MTMR14: variants seen among roughly 807,000 people sequenced by gnomAD.
MTMR14 encodes the protein phosphatidylinositol-3,5-bisphosphate 3-phosphatase MTMR14.
In MTMR14, 48 loss-of-function variants were observed where a neutral mutation model predicts 86.3. That is an observed-to-expected ratio of 0.56 (90% CI 0.44 to 0.71). The LOEUF (loss-of-function observed/expected upper bound fraction) is 0.71. Ranked by LOEUF, MTMR14 falls within the 30% of genes least tolerant of loss-of-function variation. The pLI, the probability that MTMR14 is intolerant of heterozygous loss-of-function variation, is 0.00. For missense variants in MTMR14, 780 were observed against 834.6 expected (o/e 0.93, Z 0.81); for synonymous variants, 366 against 326.1 (o/e 1.12, Z -1.32).
chr3:9,665,949 G>T (rs1217905669), intron 3 of MTMR14, among the ~76,000 whole-genome samples: 4 of 151,704 alleles, frequency 2.6e-5, no homozygotes, highest in Admixed American at 1.3e-4. Context: ...GGATGGTCTC[G>T]ATCTCCTGAC....
At chr3:9,698,007 C>T in intron 18 of MTMR14, 141 bp downstream of exon 18, 1 of 1,231,546 alleles carries the variant, frequency 8.1e-7, no homozygotes, top group Admixed American at 1.7e-5. Context: ...AGCTGCTGGA[C>T]CCGAGGTATG....
At chr3:9,698,914 G>A (rs12495642) in intron 18 of MTMR14, among the ~76,000 whole-genome samples, 28,529 of 151,870 alleles carry the variant, frequency 0.19, 3,430 homozygotes, top group African/African-American at 0.32. Context: ...CACGCCTGTA[G>A]TCCCAGCACT....
Position 9,701,726 on chromosome 3 carries a change from GGAT to G in MTMR14, c.1770-61_1770-59del. On this transcript the variant is annotated intron_variant, in intron 18 of 18. Transcript: ENST00000296003. The surrounding 1 kb of genome is among the most constrained non-coding windows in gnomAD (Gnocchi z 4.2). ...AGGACAGGTGGTATGGAGGGAGGGA[GGAT>G]GAGGATACTGGGTCCTGTCCCAGGG... The G allele has an allele frequency of 2.4e-5, 38 of 1,560,688 alleles. No individual in the cohort carries two copies. The highest frequency in any genetic ancestry group is 3.2e-5 in the Non-Finnish European group (36 of 1,138,420).
chr3:9,654,759 A>G (rs529227429), intron 2 of MTMR14, among the ~76,000 whole-genome samples: 2 of 152,240 alleles, frequency 1.3e-5, no homozygotes, highest in Non-Finnish European at 2.9e-5. Flanking sequence ...AGTGCATTCA[A>G]TAACTTGTTA....
chr3:9,695,867 T>G (rs1332718285), intron 17 of MTMR14, among the ~76,000 whole-genome samples: 1 of 152,214 alleles, frequency 6.6e-6, no homozygotes, highest in African/African-American at 2.4e-5. Context: ...GCTGAAGGCC[T>G]GGTGTGACCT....
chr3:9,685,105 C>T, intron 12 of MTMR14, 106 bp from the exon 13 acceptor site: 1 of 1,533,068 alleles, frequency 6.5e-7, no homozygotes, highest in Non-Finnish European at 9.0e-7. Flanking sequence ...TCAGGCCCCA[C>T]CTGCCACGCT....
At chr3:9,660,689 A>G (rs1293468357) in intron 2 of MTMR14, among the ~76,000 whole-genome samples, 1 of 152,176 alleles carries the variant, frequency 6.6e-6, no homozygotes, top group Non-Finnish European at 1.5e-5. Flanking sequence ...TCCTTCTGGG[A>G]TAATATTTGG....
intron 9 of MTMR14, among the ~76,000 whole-genome samples, chr3:9,681,406 A>G (rs2075764070): frequency 6.6e-6 from 1 of 152,168 alleles, no homozygotes; most frequent in Non-Finnish European, 1.5e-5. Flanking sequence ...AGCCTTAGAG[A>G]TGCCAAAACA....
intron 2 of MTMR14, among the ~76,000 whole-genome samples, chr3:9,661,951 G>A (rs369230626): frequency 2.0e-5 from 3 of 152,008 alleles, no homozygotes; most frequent in South Asian, 2.1e-4. Flanking sequence ...CCCAGGTGTG[G>A]TGGCTCACAC....
intron 9 of MTMR14, among the ~76,000 whole-genome samples, chr3:9,682,050 C>T (rs1414327419): frequency 1.3e-5 from 2 of 152,348 alleles, no homozygotes; most frequent in East Asian, 1.9e-4. Context: ...GCTCACTGGG[C>T]TTGGTACAGT....
At chr3:9,676,748 A>G (rs1339377806) in intron 7 of MTMR14, among the ~76,000 whole-genome samples, 1 of 152,196 alleles carries the variant, frequency 6.6e-6, no homozygotes, top group African/African-American at 2.4e-5. Context: ...TTTTTCCACC[A>G]AAGAATATAG....
At chr3:9,695,777 A>G (rs143585815) in intron 17 of MTMR14, among the ~76,000 whole-genome samples, 2 of 152,318 alleles carry the variant, frequency 1.3e-5, no homozygotes, top group African/African-American at 4.8e-5. Flanking sequence ...ACAAGCTGCT[A>G]GAACTGGAAA....
At chr3:9,679,407 A>G (rs562224977) in intron 9 of MTMR14, among the ~76,000 whole-genome samples, 2 of 152,322 alleles carry the variant, frequency 1.3e-5, no homozygotes, top group South Asian at 4.1e-4. Flanking sequence ...GAGGTCAAGT[A>G]GACTCTGCCC....
At chr3:9,695,143 TAGAC>T (rs1390572492) in intron 17 of MTMR14, among the ~76,000 whole-genome samples, 2 of 152,316 alleles carry the variant, frequency 1.3e-5, no homozygotes, top group Non-Finnish European at 2.9e-5. Context: ...CCTGTGTTCT[TAGAC>T]TGACTGGAAG....
In MTMR14 at chr3:9,689,967, G is replaced by A; in HGVS notation, c.1437G>A (p.Arg479=). 1 of 1,609,650 alleles carries A rather than the reference G, an allele frequency of 6.2e-7. No homozygotes were observed. Among genetic ancestry groups the A allele is most frequent in the South Asian group, 1.1e-5 (1 of 90,386 alleles). The change falls in exon 17 of 19, where the codon AGG becomes AGA. Residue 479 remains arginine, a synonymous_variant. Transcript: ENST00000296003. The part of the protein sequence containing the change: ...PAGAPTQAAW[R]KSHSSSPQSV... ...AGCCCTGCTCCTTCCACTGCAGGAG[G>A]AAGAGCCACTCATCCTCTCCACAGA... is the stretch of plus-strand genomic sequence containing the variant.
chr3:9,675,963 C>G (rs1209298246), intron 7 of MTMR14, among the ~76,000 whole-genome samples: 1 of 152,176 alleles, frequency 6.6e-6, no homozygotes, highest in Non-Finnish European at 1.5e-5. Context: ...TGTTTCCAGA[C>G]TTCTCGAGGC....
intron 2 of MTMR14, among the ~76,000 whole-genome samples, chr3:9,654,651 T>C (rs990659902): frequency 1.3e-5 from 2 of 152,254 alleles, no homozygotes; most frequent in African/African-American, 4.8e-5. Context: ...CAGCACTATC[T>C]GTGAAATCCT....
chr3:9,665,389 A>T (rs767035653), intron 3 of MTMR14, among the ~76,000 whole-genome samples: 1 of 152,152 alleles, frequency 6.6e-6, no homozygotes, highest in Non-Finnish European at 1.5e-5. Flanking sequence ...CAAATACCGC[A>T]TGTTCTCATT....
intron 1 of MTMR14, among the ~76,000 whole-genome samples, chr3:9,650,097 G>GC (rs2047192278): frequency 6.6e-6 from 1 of 152,086 alleles, no homozygotes; most frequent in African/African-American, 2.4e-5. Flanking sequence ...CAGGGAAAAA[G>GC]CCCCAAGAAA....
Sources: gnomAD v4.1 joint callset for allele counts (sites outside exome capture counted in the v4.1 genomes callset) on GRCh38, gnomAD v4.1.1 for gene constraint, Gnocchi (gnomAD v3.1) non-coding constraint, MANE v1.5 for transcripts, NCBI Gene and HGNC (gene_info 2026-07-23, HGNC 2026-07-21) for gene names.